The following PBRM1 variants were observed in gnomAD, a reference collection of about 807,000 sequenced individuals.
The protein encoded by PBRM1 is polybromo 1, also known as protein polybromo-1.
In PBRM1, 27 loss-of-function variants were observed where a neutral mutation model predicts 194.5. The ratio of observed to expected loss-of-function variants is 0.14; its 90% CI spans 0.10 to 0.19. The LOEUF is 0.19. Among genes scored for constraint, PBRM1 ranks in the 10% least tolerant of loss-of-function variants. The pLI, the probability that PBRM1 is intolerant of heterozygous loss-of-function variation, is 1.00. For synonymous variants in PBRM1, 655 were observed against 693.2 expected, an observed-to-expected ratio of 0.94 and a Z score of 0.87; for missense variants, 1,466 against 2,077.2, an observed-to-expected ratio of 0.71 and a Z score of 5.72.
Position 52,618,597 on chromosome 3 carries a change from T to C in PBRM1, c.1542-1059A>G, listed in dbSNP as rs1237628506. On this transcript the variant is annotated intron_variant, in intron 13 of 29. Transcript: ENST00000296302. ...AGAAATGACTTATGACTTAGTTTTT[T>C]TTTTTTTTTTTTTTGAGATGGAGTT... Among the ~76,000 whole-genome samples, 3 of 150,818 alleles carry C rather than the reference T, an allele frequency of 2.0e-5. No homozygotes were observed. In the South Asian group the frequency reaches 6.3e-4, roughly 32 times the overall value.
chr3:52,561,662 A>C (rs565653819), intron 25 of PBRM1, 105 bp downstream of exon 27: 1 of 982,630 alleles, frequency 1.0e-6, no homozygotes, highest in East Asian at 2.4e-5. Flanking sequence ...CCAAAATAAA[A>C]GTTCATGTGC....
chr3:52,568,140 A>G (rs929769276), intron 22 of PBRM1, among the ~76,000 whole-genome samples: 2 of 151,346 alleles, frequency 1.3e-5, no homozygotes, highest in Non-Finnish European at 2.9e-5. Flanking sequence ...CATCATGTCC[A>G]GCTAATTTTT....
rs1416410691 is a variant in PBRM1 at position 52,594,056 on chromosome 3, T to C, written c.2780-4801A>G. On this transcript the variant is annotated intron_variant, in intron 17 of 29. Coordinates refer to ENST00000296302, the Ensembl canonical transcript of PBRM1. Reference sequence around the variant, plus strand: ...AAGTCTCCCCGTATTGTGTGGGAGTTTTAAGAGATGAGGTGAGGTCCTGCT... The same window carrying C: ...AAGTCTCCCCGTATTGTGTGGGAGTCTTAAGAGATGAGGTGAGGTCCTGCT... Among the ~76,000 whole-genome samples the C allele has an allele frequency of 2.0e-5, 3 of 152,220 alleles. No homozygotes were observed. In the East Asian group the frequency reaches 5.8e-4, roughly 29 times the overall value.
chr3:52,605,554 CAATTA>C (rs975727964), intron 16 of PBRM1, among the ~76,000 whole-genome samples: 1 of 151,054 alleles, frequency 6.6e-6, no homozygotes, highest in Non-Finnish European at 1.5e-5. Context: ...AACTGACAAA[CAATTA>C]AAAGACACGA....
intron 27 of PBRM1, among the ~76,000 whole-genome samples, chr3:52,552,768 T>C (rs771912087): frequency 6.6e-6 from 1 of 152,214 alleles, no homozygotes; most frequent in Non-Finnish European, 1.5e-5. Flanking sequence ...CCTGGTCTTA[T>C]TGGCTCAGTG....
In PBRM1 at chr3:52,609,645, G is replaced by A; in HGVS notation, c.2235C>T (p.Ile745=). 1 of 1,611,734 alleles carries A rather than the reference G, an allele frequency of 6.2e-7. No individual in the cohort carries two copies. Among genetic ancestry groups the A allele is most frequent in the Non-Finnish European group, 8.5e-7 (1 of 1,177,970 alleles). ...TGTGTAGAACAAGAGCATCTTTGTA[G>A]ATCAAAGACTCCGGCTCATTGTATG... The change falls in exon 16 of 30, where the codon ATC becomes ATT. Residue 745 remains isoleucine, a synonymous_variant. Coordinates refer to ENST00000296302, the Ensembl canonical transcript of PBRM1. This position sits in a 1 kb window ranked among gnomAD's most constrained non-coding sequence, Gnocchi z 4.1.
chr3:52,660,456 A>C (rs1261367720), intron 4 of PBRM1, among the ~76,000 whole-genome samples: 16 of 152,162 alleles, frequency 1.1e-4, no homozygotes, highest in East Asian at 5.8e-4. Context: ...ATACATATAA[A>C]ATATATGAAC....
At chr3:52,658,614 C>T (rs1435665500) in intron 4 of PBRM1, among the ~76,000 whole-genome samples, 2 of 151,864 alleles carry the variant, frequency 1.3e-5, no homozygotes, top group Non-Finnish European at 2.9e-5. Flanking sequence ...AGGCTGGTCT[C>T]GAACTCCTCA....
At chr3:52,579,398 C>A (rs2090513333) in intron 20 of PBRM1, among the ~76,000 whole-genome samples, 199 bp from the exon 23 acceptor site, 1 of 152,002 alleles carries the variant, frequency 6.6e-6, no homozygotes. Flanking sequence ...CCAGCTTGGG[C>A]AACATAGTGA....
chr3:52,551,523 G>C (rs1375909826), intron 27 of PBRM1, among the ~76,000 whole-genome samples: 1 of 152,046 alleles, frequency 6.6e-6, no homozygotes, highest in Admixed American at 6.6e-5. Flanking sequence ...TAATAATTTT[G>C]TAAGCTTCCC....
intron 22 of PBRM1, among the ~76,000 whole-genome samples, chr3:52,573,575 A>T (rs2088245366): frequency 6.6e-6 from 1 of 152,210 alleles, no homozygotes; most frequent in African/African-American, 2.4e-5. Flanking sequence ...GATTACAGGC[A>T]TGAGCCACCA....
intron 5 of PBRM1, among the ~76,000 whole-genome samples, chr3:52,654,730 C>T (rs80214269): frequency 0.014 from 2,145 of 152,040 alleles, 19 homozygotes; most frequent in South Asian, 0.036. Flanking sequence ...AAATCTTGAG[C>T]GAAGACAGTA....
At chr3:52,581,155 A>C (rs2091049223) in intron 20 of PBRM1, among the ~76,000 whole-genome samples, 1 of 152,244 alleles carries the variant, frequency 6.6e-6, no homozygotes, top group African/African-American at 2.4e-5. Flanking sequence ...CAAATAATTT[A>C]ACATTCTGAT....
At chr3:52,656,674 T>G (rs951014087) in intron 5 of PBRM1, among the ~76,000 whole-genome samples, 9 of 152,124 alleles carry the variant, frequency 5.9e-5, no homozygotes, top group African/African-American at 2.2e-4. Flanking sequence ...CAACAATTAA[T>G]AAATAAATAA....
chr3:52,634,506 T>A, intron 11 of PBRM1, 96 bp downstream of exon 12: 1 of 786,624 alleles, frequency 1.3e-6, no homozygotes, highest in Non-Finnish European at 2.1e-6. Flanking sequence ...CATTTTTACC[T>A]TTAATATCCT....
chr3:52,626,584 A>C (rs947677739), intron 13 of PBRM1, among the ~76,000 whole-genome samples: 5 of 152,204 alleles, frequency 3.3e-5, no homozygotes, highest in African/African-American at 1.2e-4. Context: ...GTGTTCCACA[A>C]TGATCAGGCG....
chr3:52,648,240 G>T, intron 7 of PBRM1, 104 bp downstream of exon 8: 1 of 684,320 alleles, frequency 1.5e-6, no homozygotes, highest in South Asian at 1.8e-5. Context: ...AAAGTCCATG[G>T]TATGTGAATT....
chr3:52,562,291 C>T (rs1171956397), intron 24 of PBRM1, among the ~76,000 whole-genome samples: 1 of 149,082 alleles, frequency 6.7e-6, no homozygotes, highest in Admixed American at 6.7e-5. Flanking sequence ...GGCGCCACTG[C>T]ACTCCAGCCT....
intron 13 of PBRM1, among the ~76,000 whole-genome samples, chr3:52,626,797 T>C (rs2095463197): frequency 6.6e-6 from 1 of 152,222 alleles, no homozygotes; most frequent in African/African-American, 2.4e-5. Context: ...TGATTTGTTA[T>C]TTTATAATCT....
Sources: gnomAD v4.1 joint callset for allele counts (sites outside exome capture counted in the v4.1 genomes callset) on GRCh38, gnomAD v4.1.1 for gene constraint, Gnocchi (gnomAD v3.1) non-coding constraint, MANE v1.5 for transcripts, NCBI Gene and HGNC (gene_info 2026-07-23, HGNC 2026-07-21) for gene names.